Variants in SETBP1 observed in about 807,000 individuals in gnomAD.
SETBP1 encodes SET binding protein 1.
A neutral mutation model predicts 101.0 loss-of-function variants in SETBP1; 9 were observed. That is an observed-to-expected ratio of 0.09 (90% CI 0.05 to 0.16). The LOEUF (loss-of-function observed/expected upper bound fraction) is 0.16, where lower values mean the gene tolerates loss of function less well. Ranked by LOEUF, SETBP1 falls within the 10% of genes least tolerant of loss-of-function variation. The pLI is 1.00. For synonymous variants in SETBP1, 818 were observed against 788.5 expected, an observed-to-expected ratio of 1.04 and a Z score of -0.63; for missense variants, 1,858 against 2,033.8, an observed-to-expected ratio of 0.91 and a Z score of 1.66.
chr18:44,951,671 C>T lies in SETBP1; in HGVS notation c.2331C>T (p.His777=). 1.2e-6 allele frequency: 2 copies of T among 1,614,198 alleles called. No homozygotes were observed. The highest frequency in any genetic ancestry group is 1.3e-5 in the African/African-American group (1 of 75,058). Reference sequence around the variant, plus strand: ...TGGCGTCTTCACCAGCAGCTATGCACCCACTTTCAACACAGTTAGGTGGGT... The same window carrying T: ...TGGCGTCTTCACCAGCAGCTATGCATCCACTTTCAACACAGTTAGGTGGGT... ...SLVASSPAAM[H]PLSTQLGGSN... is the part of the protein sequence containing the mutation. Residue 777 remains histidine (H), a synonymous_variant, in exon 4 of 6, where the codon CAC becomes CAT. Coordinates refer to ENST00000649279, the MANE Select transcript of SETBP1 (RefSeq NM_015559.3). The surrounding 1 kb of genome is among the most constrained non-coding windows in gnomAD (Gnocchi z 7.8).
chr18:44,734,666 C>T (rs12458337), intron 2 of SETBP1, among the ~76,000 whole-genome samples: 45,451 of 151,926 alleles, frequency 0.3, 6,976 homozygotes, highest in East Asian at 0.41. Context: ...GAAGAATCCC[C>T]TTCCTTCCTG....
At chr18:45,026,202 G>A (rs982111491) in intron 4 of SETBP1, among the ~76,000 whole-genome samples, 4 of 152,292 alleles carry the variant, frequency 2.6e-5, no homozygotes, top group East Asian at 3.9e-4. Context: ...ATCACATCTG[G>A]CATTTTTGGC....
chr18:44,877,114 C>G (rs1051911518), intron 3 of SETBP1: 57 of 1,008,002 alleles, frequency 5.7e-5, no homozygotes, highest in Non-Finnish European at 6.3e-5. Context: ...GATCTTTGCT[C>G]TCTTACCCCA....
intron 5 of SETBP1, among the ~76,000 whole-genome samples, chr18:45,052,366 G>A (rs2073736625): frequency 6.6e-6 from 1 of 152,178 alleles, no homozygotes; most frequent in Admixed American, 6.5e-5. Context: ...AGAATGGGTG[G>A]AATATACAAA....
chr18:44,684,785 T>C (rs2144096028), intron 1 of SETBP1, among the ~76,000 whole-genome samples: 1 of 152,120 alleles, frequency 6.6e-6, no homozygotes, highest in East Asian at 1.9e-4. Flanking sequence ...TAGCTGGGAT[T>C]ACAGGCACCC....
intron 3 of SETBP1, among the ~76,000 whole-genome samples, chr18:44,905,763 G>T (rs2070161023): frequency 6.6e-6 from 1 of 152,202 alleles, no homozygotes; most frequent in Admixed American, 6.5e-5. Context: ...GTCACAGCAG[G>T]TTTCAGCATC....
chr18:44,927,118 A>G (rs1290117814), intron 3 of SETBP1, among the ~76,000 whole-genome samples: 4 of 152,194 alleles, frequency 2.6e-5, no homozygotes, highest in East Asian at 1.9e-4. Flanking sequence ...TGATCTCTTC[A>G]TCTGTAAAAT....
intron 3 of SETBP1, among the ~76,000 whole-genome samples, chr18:44,914,575 TAGA>T (rs1425230149): frequency 6.6e-6 from 1 of 152,144 alleles, no homozygotes; most frequent in East Asian, 1.9e-4. Context: ...TAGATTCTAA[TAGA>T]AGGAGAGACA....
At position 45,063,268 on chromosome 18, in the gene SETBP1, G is replaced by C. The variant is rs2073917155; in HGVS notation, c.4361G>C (p.Arg1454Pro). 9 of 1,611,800 alleles carry C rather than the reference G, an allele frequency of 5.6e-6. No homozygotes were observed. Among genetic ancestry groups the C allele is most frequent in the Non-Finnish European group, 6.8e-6 (8 of 1,178,856 alleles). The change falls in exon 6 of 6, where the codon CGC (arginine) becomes CCC (proline). Residue 1454 changes from arginine (R) to proline (P), a missense_variant. This residue lies in a region of SETBP1 where 26 missense variants were observed against 56.3 expected (regional missense o/e 0.46). Coordinates refer to ENST00000649279, the MANE Select transcript of SETBP1 (RefSeq NM_015559.3). ...KTGNNFVKKR[R>P]GRPRKQPTQF... is the part of the protein sequence containing the mutation. ...GGCAACAACTTCGTGAAGAAGAGGC[G>C]CGGGCGTCCCAGGAAGCAGCCCACC...
At chr18:44,814,663 A>G (rs2071938709) in intron 2 of SETBP1, among the ~76,000 whole-genome samples, 1 of 152,246 alleles carries the variant, frequency 6.6e-6, no homozygotes, top group Non-Finnish European at 1.5e-5. Flanking sequence ...CATATGAACA[A>G]TGATCTTTAA....
At chr18:44,969,009 G>A (rs1348802972) in intron 4 of SETBP1, among the ~76,000 whole-genome samples, 1 of 152,072 alleles carries the variant, frequency 6.6e-6, no homozygotes, top group African/African-American at 2.4e-5. Context: ...GTCAGGGGTG[G>A]GAGTTCACTC....
intron 5 of SETBP1, among the ~76,000 whole-genome samples, chr18:45,045,950 T>G (rs1268685538): frequency 1.3e-5 from 2 of 152,206 alleles, no homozygotes; most frequent in Non-Finnish European, 2.9e-5. Flanking sequence ...TTCATGATGC[T>G]TCTTCAAGCC....
chr18:44,715,290 A>T (rs970295439), intron 2 of SETBP1, among the ~76,000 whole-genome samples: 1 of 152,190 alleles, frequency 6.6e-6, no homozygotes, highest in Admixed American at 6.5e-5. Flanking sequence ...CCCTGCTAGA[A>T]AACACTGGGC....
chr18:44,692,235 A>G (rs974475859), intron 1 of SETBP1, among the ~76,000 whole-genome samples: 5 of 152,230 alleles, frequency 3.3e-5, no homozygotes, highest in Admixed American at 3.3e-4. Flanking sequence ...AAGTTTGCAC[A>G]CTTACTAAGG....
At chr18:44,748,849 TTC>T (rs1221271283) in intron 2 of SETBP1, among the ~76,000 whole-genome samples, 1 of 152,162 alleles carries the variant, frequency 6.6e-6, no homozygotes, top group African/African-American at 2.4e-5. Context: ...TATTTGCACA[TTC>T]TCTGTGGGGA....
chr18:44,718,511 C>A (rs868100684), intron 2 of SETBP1, among the ~76,000 whole-genome samples: 3 of 152,034 alleles, frequency 2.0e-5, no homozygotes, highest in Admixed American at 2.0e-4. Flanking sequence ...TGAATGGAAC[C>A]AGGATGGCCC....
intron 2 of SETBP1, among the ~76,000 whole-genome samples, chr18:44,850,142 T>C (rs2072818409): frequency 6.6e-6 from 1 of 152,190 alleles, no homozygotes; most frequent in Admixed American, 6.5e-5. Flanking sequence ...TAGCACTAAA[T>C]CAGTGATAAA....
At chr18:44,796,029 C>T (rs972123309) in intron 2 of SETBP1, among the ~76,000 whole-genome samples, 4 of 152,172 alleles carry the variant, frequency 2.6e-5, no homozygotes, top group African/African-American at 7.2e-5. Flanking sequence ...ACTAACCTTC[C>T]AATTTGTGCT....
In SETBP1 at chr18:45,034,386, C is replaced by T. The variant is rs76794392; in HGVS notation, c.4001-4099C>T. On this transcript the variant is annotated intron_variant, in intron 4 of 5. Transcript: ENST00000649279. ...GGCAACAGGAAGTCAGCTTCTGCAT[C>T]GAAGGAGCAGGAATCCATAAATCAA... Among the ~76,000 whole-genome samples the T allele has an allele frequency of 7.4e-3, 1,125 of 152,204 alleles. 11 individuals carry two copies. Among genetic ancestry groups the T allele is most frequent in the Non-Finnish European group, 0.01 (681 of 67,990 alleles).
Sources: allele counts gnomAD v4.1 joint callset (sites outside exome capture counted in the v4.1 genomes callset), GRCh38; gene constraint gnomAD v4.1.1; regional missense constraint gnomAD v4.1.1; non-coding constraint Gnocchi (gnomAD v3.1); transcripts MANE v1.5; gene names NCBI Gene and HGNC (gene_info 2026-07-23, HGNC 2026-07-21).